Variants in TRIB1 observed in about 807,000 individuals in gnomAD.
TRIB1 encodes tribbles homolog 1.
A neutral mutation model predicts 27.8 loss-of-function variants in TRIB1; 12 were observed. That is an observed-to-expected ratio of 0.43 (90% CI 0.28 to 0.70). The LOEUF is 0.70. Ranked by LOEUF, TRIB1 falls within the 30% of genes least tolerant of loss-of-function variation. The pLI, the probability that TRIB1 is intolerant of heterozygous loss-of-function variation, is 0.18. For synonymous variants in TRIB1, 230 were observed against 224.9 expected (o/e 1.02, Z -0.20); for missense variants, 475 against 515.8 (o/e 0.92, Z 0.77).
chr8:125,436,327 G>A lies in TRIB1; in HGVS notation c.975G>A (p.Glu325=). Residue 325 remains glutamate (E), a synonymous_variant, in exon 3 of 3, where the codon GAG becomes GAA. Coordinates refer to ENST00000311922, the MANE Select transcript of TRIB1 (RefSeq NM_025195.4). ...GCCTCTTGAGACGGGAGCCCTCCGAGAGACTCACTGCCCCCGAGATCCTAC... is the reference window on the plus strand; with the variant it reads ...GCCTCTTGAGACGGGAGCCCTCCGAAAGACTCACTGCCCCCGAGATCCTAC... ...IRSLLRREPS[E]RLTAPEILLH... The A allele has an allele frequency of 6.2e-7, 1 of 1,613,934 alleles. No homozygotes were observed. The highest frequency in any genetic ancestry group is 8.5e-7 in the Non-Finnish European group (1 of 1,180,012).
chr8:125,433,622 C>T lies in TRIB1; in HGVS notation c.653+13C>T, dbSNP rs2129812605. 6.3e-7 allele frequency: 1 copy of T among 1,597,824 alleles called. No individual in the cohort carries two copies. Among genetic ancestry groups the T allele is most frequent in the Non-Finnish European group, 8.6e-7 (1 of 1,168,564 alleles). On this transcript the variant is annotated intron_variant, in intron 2 of 2. Coordinates refer to ENST00000311922, the MANE Select transcript of TRIB1 (RefSeq NM_025195.4). This position sits in a 1 kb window ranked among gnomAD's most constrained non-coding sequence, Gnocchi z 4.4. Reference sequence around the variant, plus strand: ...CCACGGAGGAGAGGTGAGCGGCCGCCACAGCTTCTCCTGTGGCCTTTTGGA... The same window carrying T: ...CCACGGAGGAGAGGTGAGCGGCCGCTACAGCTTCTCCTGTGGCCTTTTGGA...
chr8:125,437,784 T>C lies in TRIB1; in HGVS notation c.*1313T>C, dbSNP rs1324105315. ...TGGAAACTCACTCCCCTACAAAAGA[T>C]GGAGCTTAATGGAGAAATTGCAACT... On this transcript the variant is annotated 3_prime_UTR_variant, in exon 3 of 3. Transcript: ENST00000311922. 1 of 152,644 alleles carries C rather than the reference T, an allele frequency of 6.6e-6. No homozygotes were observed. Among genetic ancestry groups the C allele is most frequent in the Non-Finnish European group, 1.5e-5 (1 of 68,032 alleles). The allele number at this position is 152,644 out of a possible 1,614,324, so 9.5% of individuals were successfully genotyped here.
At chr8:125,431,538 A>T (rs569096385) in intron 1 of TRIB1, among the ~76,000 whole-genome samples, 37 of 152,260 alleles carry the variant, frequency 2.4e-4, no homozygotes, top group African/African-American at 7.7e-4. Flanking sequence ...GGCGTTCCAT[A>T]TAAGTTGTGG....
At position 125,436,435 on chromosome 8, in the gene TRIB1, C is replaced by G. The variant is rs1437386589; in HGVS notation, c.1083C>G (p.Tyr361Ter). ...IGTSDQIVPE[Y>*]QEDSDISSFF... ...CTTCAGACCAGATTGTTCCAGAGTA[C>G]CAGGAGGACAGTGACATTAGTTCCT... Residue 361 changes from tyrosine (Y) to a stop codon, truncating the protein, a stop_gained, in exon 3 of 3, where the codon TAC (tyrosine) becomes TAG (stop). Transcript: ENST00000311922. LOFTEE classifies it high-confidence loss of function. 2 of 1,613,880 alleles carry G rather than the reference C, an allele frequency of 1.2e-6. No homozygotes were observed. Among genetic ancestry groups the G allele is most frequent in the Non-Finnish European group, 1.7e-6 (2 of 1,180,016 alleles).
At position 125,433,285 on chromosome 8, in the gene TRIB1, GC is replaced by G. The variant is rs1814691330; in HGVS notation, c.361-27del. ...TTGGGAGGCTGCCTTTGCTTTTCTA[GC>G]CCCCTAAACGGGCCCCCCTTCTCTC... On this transcript the variant is annotated intron_variant, in intron 1 of 2. Transcript: ENST00000311922. This position sits in a 1 kb window ranked among gnomAD's most constrained non-coding sequence, Gnocchi z 4.4. 4 of 1,594,282 alleles carry G rather than the reference GC, an allele frequency of 2.5e-6. No individual in the cohort carries two copies. Among genetic ancestry groups the G allele is most frequent in the Admixed American group, 3.4e-5 (2 of 58,930 alleles).
intron 1 of TRIB1, chr8:125,432,464 G>A (rs1322580334): frequency 5.2e-6 from 1 of 192,562 alleles, no homozygotes. Context: ...CAGTTCCTCT[G>A]AGCAGATAAT....
intron 2 of TRIB1, among the ~76,000 whole-genome samples, chr8:125,434,361 G>T (rs1178674259): frequency 6.6e-6 from 1 of 152,228 alleles, no homozygotes; most frequent in Non-Finnish European, 1.5e-5. Flanking sequence ...CTTGTGGAAA[G>T]ATTACAAGCA....
Position 125,433,466 on chromosome 8 carries a change from T to C in TRIB1, c.510T>C (p.Tyr170=), listed in dbSNP as rs756346102. ...AGGACTTTGGGGACATGCACTCCTA[T>C]GTGCGAAGCCGGAAGAGGCTGCGGG... ...FEKDFGDMHS[Y]VRSRKRLREE... is the part of the protein sequence containing the mutation. The change falls in exon 2 of 3, where the codon TAT becomes TAC. Residue 170 remains tyrosine (Y), a synonymous_variant. Transcript: ENST00000311922. This position sits in a 1 kb window ranked among gnomAD's most constrained non-coding sequence, Gnocchi z 4.4. 2.5e-6 allele frequency: 4 copies of C among 1,614,118 alleles called. No individual in the cohort carries two copies. The highest frequency in any genetic ancestry group is 1.1e-5 in the South Asian group (1 of 91,092).
rs1028877733 is a variant in TRIB1 at position 125,437,804 on chromosome 8, G to T, written c.*1333G>T. 2.0e-5 allele frequency: 3 copies of T among 152,708 alleles called. No individual in the cohort carries two copies. The highest frequency in any genetic ancestry group is 7.2e-5 in the African/African-American group (3 of 41,460). The allele number at this position is 152,708 out of a possible 1,614,324, so 9.5% of individuals were successfully genotyped here. A position where few individuals can be genotyped will look rare whatever the true frequency, so the allele number is the denominator to read the frequency against. ...AAAGATGGAGCTTAATGGAGAAATT[G>T]CAACTTTCATTAAAAAACAAATTCA... is the stretch of plus-strand genomic sequence containing the variant. On this transcript the variant is annotated 3_prime_UTR_variant, in exon 3 of 3. Coordinates refer to ENST00000311922, the MANE Select transcript of TRIB1 (RefSeq NM_025195.4).
chr8:125,431,267 G>A lies in TRIB1; in HGVS notation c.360+5G>A. On this transcript the variant is annotated splice_donor_5th_base_variant and intron_variant, in intron 1 of 2. Transcript: ENST00000311922. Reference sequence around the variant, plus strand: ...GGACGCGAGCTGCGCTGCAAGGTAGGCGCTCCCGGGCCAGGACCCGGCTGG... The same window carrying A: ...GGACGCGAGCTGCGCTGCAAGGTAGACGCTCCCGGGCCAGGACCCGGCTGG... The A allele has an allele frequency of 8.0e-7, 1 of 1,256,162 alleles. No individual in the cohort carries two copies. The highest frequency in any genetic ancestry group is 1.0e-6 in the Non-Finnish European group (1 of 1,001,544). The allele number at this position is 1,256,162 out of a possible 1,614,324, so 77.8% of individuals were successfully genotyped here. A position where few individuals can be genotyped will look rare whatever the true frequency, so the allele number is the denominator to read the frequency against.
In TRIB1 at chr8:125,433,454, C is replaced by T; in HGVS notation, c.498C>T (p.Asp166=). The T allele has an allele frequency of 5.0e-6, 8 of 1,614,238 alleles. No homozygotes were observed. Among genetic ancestry groups the T allele is most frequent in the Non-Finnish European group, 6.8e-6 (8 of 1,180,050 alleles). The stretch of plus-strand genomic sequence containing the variant: ...TCTTCTTTGAGAAGGACTTTGGGGA[C>T]ATGCACTCCTATGTGCGAAGCCGGA... The part of the protein sequence containing the change: ...AYVFFEKDFG[D]MHSYVRSRKR... The change falls in exon 2 of 3, where the codon GAC becomes GAT. Residue 166 remains aspartate, a synonymous_variant. Transcript: ENST00000311922. The surrounding 1 kb of genome is among the most constrained non-coding windows in gnomAD (Gnocchi z 4.4).
At chr8:125,431,607 C>T (rs1287626339) in intron 1 of TRIB1, among the ~76,000 whole-genome samples, 1 of 151,650 alleles carries the variant, frequency 6.6e-6, no homozygotes, top group Non-Finnish European at 1.5e-5. Context: ...TCGCTCTCCA[C>T]CCCCCCTCCC....
At position 125,436,665 on chromosome 8, in the gene TRIB1, G is replaced by A; in HGVS notation, c.*194G>A. 1.6e-5 allele frequency: 10 copies of A among 624,336 alleles called. No individual in the cohort carries two copies. The South Asian group carries it at 2.0e-4, about 13-fold the overall frequency. The allele number at this position is 624,336 out of a possible 1,614,324, so 38.7% of individuals were successfully genotyped here. A position where few individuals can be genotyped will look rare whatever the true frequency, so the allele number is the denominator to read the frequency against. ...ATTTGAGCAGCATATGCTGTGATTG[G>A]CTGCCCTGCAAATTTGTTTCCCTTA... On this transcript the variant is annotated 3_prime_UTR_variant, in exon 3 of 3. Coordinates refer to ENST00000311922, the MANE Select transcript of TRIB1 (RefSeq NM_025195.4).
chr8:125,436,432 G>A lies in TRIB1; in HGVS notation c.1080G>A (p.Glu360=). ...GAACTTCAGACCAGATTGTTCCAGA[G>A]TACCAGGAGGACAGTGACATTAGTT... is the stretch of plus-strand genomic sequence containing the variant. ...EIGTSDQIVP[E]YQEDSDISSF... Residue 360 remains glutamate (E), a synonymous_variant, in exon 3 of 3, where the codon GAG becomes GAA. Transcript: ENST00000311922. The A allele has an allele frequency of 6.2e-7, 1 of 1,613,884 alleles. No individual in the cohort carries two copies. Among genetic ancestry groups the A allele is most frequent in the South Asian group, 1.1e-5 (1 of 91,078 alleles).
rs62521034 is a variant in TRIB1 at position 125,436,603 on chromosome 8, C to T, written c.*132C>T. 125,447 of 808,940 alleles carry T rather than the reference C, an allele frequency of 0.16. 11,561 individuals are homozygous for T. The highest frequency in any genetic ancestry group is 0.19 in the Non-Finnish European group (97,860 of 516,814). 50.1% of individuals were successfully genotyped at this position (808,940 alleles called of 1,614,324 possible). ...ATGAAAGCTGCTGAACTCGGCATGGCGCCTCCTCTTCTCTGTTGGGATGAG... is the reference window on the plus strand; with the variant it reads ...ATGAAAGCTGCTGAACTCGGCATGGTGCCTCCTCTTCTCTGTTGGGATGAG... On this transcript the variant is annotated 3_prime_UTR_variant, in exon 3 of 3. Transcript: ENST00000311922.
Position 125,431,057 on chromosome 8 carries a change from A to G in TRIB1, c.155A>G (p.Glu52Gly). Residue 52 changes from glutamate to glycine, a missense_variant, in exon 1 of 3, where the codon GAG becomes GGG. Glu to Gly is a moderately conservative substitution (Grantham distance 98). Coordinates refer to ENST00000311922, the MANE Select transcript of TRIB1 (RefSeq NM_025195.4). ...GCGGCCAAGTGCCCGCGCCTCTCCG[A>G]GTGCTCCAGCCCCCCGGACTACCTC... ...AVAAKCPRLS[E>G]CSSPPDYLSP... 14 of 1,449,948 alleles carry G rather than the reference A, an allele frequency of 9.7e-6. No individual in the cohort carries two copies. Among genetic ancestry groups the G allele is most frequent in the Non-Finnish European group, 1.3e-5 (14 of 1,108,924 alleles). The allele number at this position is 1,449,948 out of a possible 1,614,324, so 89.8% of individuals were successfully genotyped here.
In TRIB1 at chr8:125,431,079, C is replaced by T; in HGVS notation, c.177C>T (p.Tyr59=). Residue 59 remains tyrosine, a synonymous_variant, in exon 1 of 3, where the codon TAC becomes TAT. Transcript: ENST00000311922. ...RLSECSSPPD[Y]LSPPGSPCSP... ...CCGAGTGCTCCAGCCCCCCGGACTA[C>T]CTCAGCCCCCCCGGCTCGCCCTGCA... The T allele has an allele frequency of 1.4e-6, 2 of 1,400,866 alleles. No individual in the cohort carries two copies. Among genetic ancestry groups the T allele is most frequent in the East Asian group, 3.1e-5 (1 of 32,624 alleles). The allele number at this position is 1,400,866 out of a possible 1,614,324, so 86.8% of individuals were successfully genotyped here. A position where few individuals can be genotyped will look rare whatever the true frequency, so the allele number is the denominator to read the frequency against.
rs1554647850 is a variant in TRIB1, at chr8:125,432,276, A to AT, written c.360+1014_360+1015insT. 7.2e-6 allele frequency: 7 copies of AT among 971,908 alleles called. No homozygotes were observed. In the African/African-American group the frequency reaches 1.1e-4, roughly 16 times the overall value. The allele number at this position is 971,908 out of a possible 1,614,324, so 60.2% of individuals were successfully genotyped here. A position where few individuals can be genotyped will look rare whatever the true frequency, so the allele number is the denominator to read the frequency against. ...CCAGTTTAATAGGGAGGAAAAAAAA[A>AT]CCTTTTCTTCTCCATGACTGGGGCT... On this transcript the variant is annotated intron_variant, in intron 1 of 2. Coordinates refer to ENST00000311922, the MANE Select transcript of TRIB1 (RefSeq NM_025195.4).
In TRIB1 at chr8:125,438,036, T is replaced by G. The variant is rs1814783880; in HGVS notation, c.*1565T>G. 1 of 146,988 alleles carries G rather than the reference T, an allele frequency of 6.8e-6. No individual in the cohort carries two copies. Among genetic ancestry groups the G allele is most frequent in the Non-Finnish European group, 1.5e-5 (1 of 66,694 alleles). The allele number at this position is 146,988 out of a possible 1,614,324, so 9.1% of individuals were successfully genotyped here. On this transcript the variant is annotated 3_prime_UTR_variant, in exon 3 of 3. Transcript: ENST00000311922. ...GTACATATATTTTACCTTTTATACC[T>G]ATGTTCGATTTTGTTTTGTTTTGTT...
Sources: allele counts gnomAD v4.1 joint callset (sites outside exome capture counted in the v4.1 genomes callset), GRCh38; gene constraint gnomAD v4.1.1; non-coding constraint Gnocchi (gnomAD v3.1); transcripts MANE v1.5; gene names NCBI Gene and HGNC (gene_info 2026-07-23, HGNC 2026-07-21).